Variants in ZZEF1 observed in about 807,000 individuals in gnomAD.
The protein encoded by ZZEF1 is zinc finger ZZ-type and EF-hand domain-containing protein 1.
In ZZEF1, 157 loss-of-function variants were observed where a neutral mutation model predicts 342.8. That is an observed-to-expected ratio of 0.46 (90% CI 0.40 to 0.52). The LOEUF (loss-of-function observed/expected upper bound fraction) is 0.52, where lower values mean the gene tolerates loss of function less well. Among genes scored for constraint, ZZEF1 ranks in the 20% least tolerant of loss-of-function variants. The pLI, the probability that ZZEF1 is intolerant of heterozygous loss-of-function variation, is 0.00. For missense variants in ZZEF1, 3,480 were observed against 3,725.6 expected (o/e 0.93, Z 1.72); for synonymous variants, 1,505 against 1,429.1 (o/e 1.05, Z -1.20).
chr17:4,072,802 A>G (rs1281536914), intron 24 of ZZEF1, 46 bp from the exon 25 acceptor site: 5 of 1,519,382 alleles, frequency 3.3e-6, no homozygotes, highest in Non-Finnish European at 1.8e-6. Flanking sequence ...TTGCCTTAAT[A>G]TATTGAGAAT....
At chr17:4,042,246 T>TAC (rs2056817985) in intron 39 of ZZEF1, among the ~76,000 whole-genome samples, 183 bp downstream of exon 39, 1 of 146,162 alleles carries the variant, frequency 6.8e-6, no homozygotes. Flanking sequence ...TATATTGTTT[T>TAC]ATACACACAC....
At chr17:4,095,568 G>C (rs1185916460) in intron 11 of ZZEF1, among the ~76,000 whole-genome samples, 1 of 152,174 alleles carries the variant, frequency 6.6e-6, no homozygotes, top group Non-Finnish European at 1.5e-5. Flanking sequence ...GGCATAGATA[G>C]ATCATTACCC....
intron 39 of ZZEF1, among the ~76,000 whole-genome samples, chr17:4,036,182 T>A (rs770241969): frequency 2.0e-5 from 3 of 151,778 alleles, no homozygotes; most frequent in Admixed American, 6.6e-5. Context: ...ATACGAAGGA[T>A]GATGGGATCC....
chr17:4,100,371 T>C (rs1472239988), intron 9 of ZZEF1, among the ~76,000 whole-genome samples: 2 of 152,102 alleles, frequency 1.3e-5, no homozygotes, highest in Non-Finnish European at 2.9e-5. Context: ...CCCATTCACA[T>C]CCCACCCTTG....
chr17:4,102,678 A>T (rs186095445), intron 8 of ZZEF1, among the ~76,000 whole-genome samples: 25 of 152,330 alleles, frequency 1.6e-4, no homozygotes, highest in African/African-American at 4.6e-4. Flanking sequence ...TGAAAAAAGG[A>T]CATTATAAGA....
chr17:4,085,832 T>C, intron 15 of ZZEF1, 29 bp from the exon 16 acceptor site: 1 of 1,611,756 alleles, frequency 6.2e-7, no homozygotes, highest in Non-Finnish European at 8.5e-7. Context: ...GCATCAGCTT[T>C]CATATATTCC....
chr17:4,109,443 C>T (rs1214270992), intron 6 of ZZEF1, among the ~76,000 whole-genome samples: 1 of 152,086 alleles, frequency 6.6e-6, no homozygotes, highest in East Asian at 1.9e-4. Flanking sequence ...GTGGAATGGG[C>T]ACTTTTTCAG....
At chr17:4,067,093 C>T in intron 27 of ZZEF1, 70 bp downstream of exon 27, 2 of 1,284,760 alleles carry the variant, frequency 1.6e-6, no homozygotes, top group Non-Finnish European at 2.2e-6. Context: ...GAGAACAATT[C>T]ATCTTAATTC....
At chr17:4,035,220 G>GA (rs34667301) in intron 39 of ZZEF1, among the ~76,000 whole-genome samples, 2 of 151,978 alleles carry the variant, frequency 1.3e-5, no homozygotes, top group South Asian at 2.1e-4. Context: ...TTTTCCACAG[G>GA]AAAAAAATGC....
At chr17:4,051,947 T>C in intron 35 of ZZEF1, 24 bp downstream of exon 35, 2 of 1,596,168 alleles carry the variant, frequency 1.3e-6, no homozygotes, top group Non-Finnish European at 1.7e-6. Context: ...AAAGGCTTGG[T>C]GGCGACGGTC....
chr17:4,057,868 T>A, intron 32 of ZZEF1, 126 bp downstream of exon 32: 4 of 942,370 alleles, frequency 4.2e-6, no homozygotes, highest in Non-Finnish European at 6.3e-6. Flanking sequence ...TCGGCTAGGA[T>A]GTGGCAAAGC....
At chr17:4,049,969 G>C in intron 36 of ZZEF1, 110 bp from the exon 37 acceptor site, 1 of 1,252,092 alleles carries the variant, frequency 8.0e-7, no homozygotes, top group South Asian at 1.5e-5. Flanking sequence ...AATGAGTTCT[G>C]CACAAACCAA....
At chr17:4,061,490 T>C (rs1597831560) in intron 30 of ZZEF1, among the ~76,000 whole-genome samples, 2 of 152,312 alleles carry the variant, frequency 1.3e-5, no homozygotes, top group East Asian at 1.9e-4. Flanking sequence ...ATCCAAATTC[T>C]ATCCCTAGTC....
intron 25 of ZZEF1, among the ~76,000 whole-genome samples, 159 bp downstream of exon 25, chr17:4,072,449 G>A (rs2057527808): frequency 6.6e-6 from 1 of 152,192 alleles, no homozygotes; most frequent in African/African-American, 2.4e-5. Flanking sequence ...TGTGGGACAC[G>A]GTGGCGTTAA....
rs1404952757 is a variant in ZZEF1, at chr17:4,042,343, GTCA to G, written c.6306+83_6306+85del. The G allele has an allele frequency of 4.3e-6, 6 of 1,382,286 alleles. No individual in the cohort carries two copies. The African/African-American group carries it at 7.2e-5, about 17-fold the overall frequency. The allele number at this position is 1,382,286 out of a possible 1,614,324, so 85.6% of individuals were successfully genotyped here. The stretch of plus-strand genomic sequence containing the variant: ...TACCCTTAAGGCTACAGAGATGATT[GTCA>G]TCATTTGTTTCAGTATGTGGCTTTC... On this transcript the variant is annotated intron_variant, in intron 39 of 54. Coordinates refer to ENST00000381638, the MANE Select transcript of ZZEF1 (RefSeq NM_015113.4).
chr17:4,033,705 G>A (rs894861179), intron 40 of ZZEF1: 9 of 329,320 alleles, frequency 2.7e-5, no homozygotes, highest in East Asian at 2.3e-4. Context: ...CTTTTACAAC[G>A]AAAACAGATT....
intron 35 of ZZEF1, 90 bp from the exon 36 acceptor site, chr17:4,051,133 G>A: frequency 1.3e-6 from 2 of 1,573,176 alleles, no homozygotes; most frequent in Non-Finnish European, 1.7e-6. Flanking sequence ...AGAGCATGTG[G>A]TCGCAACTGG....
At chr17:4,103,573 T>C (rs998231577) in intron 8 of ZZEF1, among the ~76,000 whole-genome samples, 5 of 151,340 alleles carry the variant, frequency 3.3e-5, no homozygotes, top group South Asian at 2.1e-4. Flanking sequence ...AAAATAAAAA[T>C]AAACATAAAA....
intron 5 of ZZEF1, among the ~76,000 whole-genome samples, 155 bp downstream of exon 5, chr17:4,112,454 A>G (rs2058329015): frequency 6.6e-6 from 1 of 152,146 alleles, no homozygotes; most frequent in African/African-American, 2.4e-5. Flanking sequence ...ACGCTTTTCT[A>G]TAATTTCTAC....
Sources: gnomAD v4.1 joint callset for allele counts (sites outside exome capture counted in the v4.1 genomes callset) on GRCh38, gnomAD v4.1.1 for gene constraint, MANE v1.5 for transcripts, NCBI Gene and HGNC (gene_info 2026-07-23, HGNC 2026-07-21) for gene names.